FLT4: variants seen among roughly 807,000 people sequenced by gnomAD.
The protein encoded by FLT4 is vascular endothelial growth factor receptor 3.
In FLT4, 30 loss-of-function variants were observed where a neutral mutation model predicts 163.2. That is an observed-to-expected ratio of 0.18 (90% CI 0.14 to 0.25). The LOEUF (loss-of-function observed/expected upper bound fraction) is 0.25. Ranked by LOEUF, FLT4 falls within the 10% of genes least tolerant of loss-of-function variation. The pLI is 1.00. For missense variants in FLT4, 1,510 were observed against 1,863.8 expected (o/e 0.81, Z 3.50); for synonymous variants, 884 against 789.5 (o/e 1.12, Z -2.01).
At position 180,612,514 on chromosome 5, in the gene FLT4, C is replaced by T. The variant is rs755954734; in HGVS notation, c.3529G>A (p.Gly1177Ser). 1 of 1,612,850 alleles carries T rather than the reference C, an allele frequency of 6.2e-7. No individual in the cohort carries two copies. The highest frequency in any genetic ancestry group is 1.7e-5 in the Admixed American group (1 of 60,028). ...EILGDLLQGR[G>S]LQEEEEVCMA... ...GTGGGGAAGGGGCTCACTTGCAGGC[C>T]CCTGCCCTGGAGCAGGTCCCCCAGG... Residue 1177 changes from glycine to serine, a missense_variant, in exon 26 of 30, where the codon GGC (glycine) becomes AGC (serine). Gly to Ser is a moderately conservative substitution (Grantham distance 56). Coordinates refer to ENST00000261937, the MANE Select transcript of FLT4 (RefSeq NM_182925.5).
intron 28 of FLT4, chr5:180,609,326 A>G (rs933839964): frequency 1.3e-5 from 7 of 540,828 alleles, no homozygotes; most frequent in African/African-American, 1.9e-5. Flanking sequence ...GCATATGCTC[A>G]GTGTGTGAAG....
In FLT4 at chr5:180,603,008, C is replaced by T. The variant is rs148756591; in HGVS notation, c.*184G>A. On this transcript the variant is annotated 3_prime_UTR_variant, in exon 30 of 30. Transcript: ENST00000261937. ...GCGTGGCCCTGGCCAGTCGTGGTGACGGAATTCCGGGAGCCTTGGGCCTGG... is the reference window on the plus strand; with the variant it reads ...GCGTGGCCCTGGCCAGTCGTGGTGATGGAATTCCGGGAGCCTTGGGCCTGG... The T allele has an allele frequency of 4.2e-3, 2,716 of 646,944 alleles. 16 individuals are homozygous for T. Among genetic ancestry groups the T allele is most frequent in the Middle Eastern group, 0.012 (29 of 2,404 alleles). 40.1% of individuals were successfully genotyped at this position (646,944 alleles called of 1,614,324 possible). A position where few individuals can be genotyped will look rare whatever the true frequency, so the allele number is the denominator to read the frequency against.
At chr5:180,638,473 G>T (rs887408798) in intron 1 of FLT4, among the ~76,000 whole-genome samples, 1 of 152,200 alleles carries the variant, frequency 6.6e-6, no homozygotes, top group Non-Finnish European at 1.5e-5. Context: ...TCTGGGGCCC[G>T]CTCTTGTCGT....
chr5:180,649,411 G>A (rs1265994366), intron 1 of FLT4, 77 bp downstream of exon 1: 20 of 1,157,628 alleles, frequency 1.7e-5, no homozygotes, highest in Non-Finnish European at 1.4e-5. Context: ...AGCGGTCTCA[G>A]CGCCCGCCCC....
intron 27 of FLT4, among the ~76,000 whole-genome samples, chr5:180,610,902 A>ACACACAC (rs1484214729): frequency 4.7e-5 from 7 of 150,152 alleles, no homozygotes; most frequent in East Asian, 2.0e-4. Context: ...CTAAAAATAC[A>ACACACAC]AAAAATTAGC....
chr5:180,644,908 A>T (rs1173562915), intron 1 of FLT4, among the ~76,000 whole-genome samples: 1 of 152,230 alleles, frequency 6.6e-6, no homozygotes, highest in Non-Finnish European at 1.5e-5. Flanking sequence ...CGAAGCCATC[A>T]CCTGCCCCGG....
At chr5:180,628,747 G>T in intron 8 of FLT4, 135 bp downstream of exon 8, 1 of 679,918 alleles carries the variant, frequency 1.5e-6, no homozygotes, top group Non-Finnish European at 2.6e-6. Context: ...GGTCTCCTGA[G>T]AGAGGCCCCC....
chr5:180,611,178 T>A (rs1762162803), intron 27 of FLT4, among the ~76,000 whole-genome samples, 153 bp downstream of exon 27: 1 of 151,948 alleles, frequency 6.6e-6, no homozygotes. Flanking sequence ...GACCCTGCAG[T>A]GGGTCATTTA....
At chr5:180,611,236 A>T in intron 27 of FLT4, 95 bp downstream of exon 27, 1 of 1,412,266 alleles carries the variant, frequency 7.1e-7, no homozygotes, top group Non-Finnish European at 9.7e-7. Flanking sequence ...CTGACGTCGC[A>T]TGATTTGCTT....
intron 1 of FLT4, among the ~76,000 whole-genome samples, chr5:180,648,935 G>A (rs572696548): frequency 1.3e-5 from 2 of 152,284 alleles, no homozygotes; most frequent in East Asian, 3.9e-4. Flanking sequence ...GTCCGCCTCG[G>A]GCGCGCGGTG....
chr5:180,624,133 A>G (rs1014428424), intron 10 of FLT4, 72 bp from the exon 11 acceptor site: 30 of 1,577,154 alleles, frequency 1.9e-5, no homozygotes, highest in Admixed American at 3.4e-5. Context: ...GGGCGGGGTC[A>G]AGCCCTTGTC....
chr5:180,643,947 G>A (rs1252784927), intron 1 of FLT4, among the ~76,000 whole-genome samples: 4 of 151,966 alleles, frequency 2.6e-5, no homozygotes, highest in African/African-American at 4.8e-5. Flanking sequence ...TCAGCCTCCC[G>A]AGTAGTTGGG....
In FLT4 at chr5:180,630,722, G is replaced by C. The variant is rs200878617; in HGVS notation, c.233C>G (p.Thr78Arg). The change falls in exon 3 of 30, where the codon ACG becomes AGG. Residue 78 changes from threonine to arginine, a missense_variant. Coordinates refer to ENST00000261937, the MANE Select transcript of FLT4 (RefSeq NM_182925.5). The surrounding 1 kb of genome is among the most constrained non-coding windows in gnomAD (Gnocchi z 6.3). ...PATGDKDSED[T>R]GVVRDCEGTD... ...GCCCTCGCAGTCTCGCACCACCCCC[G>C]TGTCCTCGCTGTCCTTGTCTCCGGT... The C allele has an allele frequency of 6.2e-7, 1 of 1,611,900 alleles. No individual in the cohort carries two copies. Among genetic ancestry groups the C allele is most frequent in the South Asian group, 1.1e-5 (1 of 91,068 alleles).
At chr5:180,614,308 C>CGTGGTGGATGGGGAGACG in intron 23 of FLT4, 129 bp from the exon 24 acceptor site, 1 of 631,908 alleles carries the variant, frequency 1.6e-6, no homozygotes, top group Non-Finnish European at 2.9e-6. Flanking sequence ...AAGCGTGTCC[C>CGTGGTGGATGGGGAGACG]GTGGTGGATG....
intron 26 of FLT4, among the ~76,000 whole-genome samples, chr5:180,612,223 C>G (rs1467533594): frequency 6.6e-6 from 1 of 152,218 alleles, no homozygotes; most frequent in Non-Finnish European, 1.5e-5. Flanking sequence ...GGCTGCCTCA[C>G]AGGCCGGGGG....
Position 180,630,433 on chromosome 5 carries a change from C to T in FLT4, c.401-96G>A, listed in dbSNP as rs147608874. ...GGTGGTGCTGGTCCTGAACCAGCCACCCGCTGGAGCAGGTAGGGCCCCGTT... is the reference window on the plus strand; with the variant it reads ...GGTGGTGCTGGTCCTGAACCAGCCATCCGCTGGAGCAGGTAGGGCCCCGTT... On this transcript the variant is annotated intron_variant, in intron 3 of 29. Transcript: ENST00000261937. The surrounding 1 kb of genome is among the most constrained non-coding windows in gnomAD (Gnocchi z 6.3). 9 of 1,558,750 alleles carry T rather than the reference C, an allele frequency of 5.8e-6. No homozygotes were observed. The highest frequency in any genetic ancestry group is 6.1e-6 in the Non-Finnish European group (7 of 1,144,728).
chr5:180,648,694 C>T (rs1561768737), intron 1 of FLT4, among the ~76,000 whole-genome samples: 1 of 151,510 alleles, frequency 6.6e-6, no homozygotes, highest in Admixed American at 6.6e-5. Flanking sequence ...CCCTCCGCCT[C>T]CGCTTCAGGT....
chr5:180,621,488 G>T, intron 13 of FLT4, 54 bp downstream of exon 13: 1 of 1,596,350 alleles, frequency 6.3e-7, no homozygotes, highest in South Asian at 1.1e-5. Flanking sequence ...CAAAGGCAGA[G>T]GCAGCTACTG....
intron 8 of FLT4, among the ~76,000 whole-genome samples, chr5:180,627,849 C>T (rs951543923): frequency 6.6e-6 from 1 of 152,176 alleles, no homozygotes; most frequent in Non-Finnish European, 1.5e-5. Flanking sequence ...CTGCCAGTGC[C>T]CTCAGGACTC....
Sources: gnomAD v4.1 joint callset for allele counts (sites outside exome capture counted in the v4.1 genomes callset) on GRCh38, gnomAD v4.1.1 for gene constraint, Gnocchi (gnomAD v3.1) non-coding constraint, MANE v1.5 for transcripts, NCBI Gene and HGNC (gene_info 2026-07-23, HGNC 2026-07-21) for gene names.